Variants in NEK5 observed in about 807,000 individuals in gnomAD.
The protein encoded by NEK5 is serine/threonine-protein kinase Nek5.
NEK5 carries 88 observed loss-of-function variants against 109.2 expected under a neutral mutation model. That is an observed-to-expected ratio of 0.81 (90% CI 0.68 to 0.96). NEK5 has a LOEUF of 0.96. Among genes scored for constraint, NEK5 ranks in the 40% least tolerant of loss-of-function variants. The probability of loss-of-function intolerance (pLI) is 0.00; values close to 1 mark genes in which losing one functional copy is unlikely to be tolerated. For synonymous variants in NEK5, 283 were observed against 299.9 expected (o/e 0.94, Z 0.58); for missense variants, 834 against 920.7 (o/e 0.91, Z 1.22).
At position 52,050,172 on chromosome 13, in the gene NEK5, C is replaced by T. The variant is rs1000315772; in HGVS notation, c.2160G>A (p.Lys720=). 2.0e-6 allele frequency: 2 copies of T among 985,664 alleles called. No individual in the cohort carries two copies. The highest frequency in any genetic ancestry group is 1.7e-5 in the African/African-American group (1 of 57,232). The allele number at this position is 985,664 out of a possible 1,614,324, so 61.1% of individuals were successfully genotyped here. ...QWLPKEEDEG[K]VEMVSGIEVD... The stretch of plus-strand genomic sequence containing the variant: ...CTTCAATGCCAGAGACCATTTCTAC[C>T]TTCCCTTCATCTTCTTCTTTGGGTA... Residue 720 remains lysine (K), a synonymous_variant, in exon 23 of 24, where the codon AAG becomes AAA. Coordinates refer to ENST00000684899, the MANE Select transcript of NEK5 (RefSeq NM_001365552.1).
At chr13:52,088,508 C>G (rs1955204406) in intron 14 of NEK5, among the ~76,000 whole-genome samples, 2 of 151,810 alleles carry the variant, frequency 1.3e-5, no homozygotes. Context: ...CCACCTTGGC[C>G]TCCCAAAGTG....
intron 1 of NEK5, among the ~76,000 whole-genome samples, chr13:52,128,663 G>T (rs1056974395): frequency 7.2e-5 from 11 of 152,110 alleles, no homozygotes; most frequent in Non-Finnish European, 1.3e-4. Context: ...TGAGAGAGAC[G>T]CATACGGACT....
At chr13:52,094,722 C>T (rs1369893048) in intron 12 of NEK5, among the ~76,000 whole-genome samples, 1 of 152,180 alleles carries the variant, frequency 6.6e-6, no homozygotes, top group Non-Finnish European at 1.5e-5. Flanking sequence ...TGCAGTGAGC[C>T]AAGATCGTAC....
intron 13 of NEK5, among the ~76,000 whole-genome samples, chr13:52,091,019 C>G (rs2137927458): frequency 6.6e-6 from 1 of 151,222 alleles, no homozygotes; most frequent in South Asian, 2.1e-4. Flanking sequence ...GAGCGAGACT[C>G]TGTCTCAAAA....
Position 52,095,848 on chromosome 13 carries a change from C to A in NEK5, c.1027-2613G>T, listed in dbSNP as rs116305164. On this transcript the variant is annotated intron_variant, in intron 12 of 23. Coordinates refer to ENST00000684899, the MANE Select transcript of NEK5 (RefSeq NM_001365552.1). ...ATATGCTTTGGATTTGTGTCTCAGC[C>A]TGGGAGGTCGAGTGATATGCTTTGG... Among the ~76,000 whole-genome samples the A allele has an allele frequency of 2.4e-3, 363 of 152,296 alleles. 3 individuals are homozygous for A. Among genetic ancestry groups the A allele is most frequent in the African/African-American group, 8.3e-3 (347 of 41,566 alleles).
At chr13:52,114,913 A>C (rs1369112665) in intron 4 of NEK5, among the ~76,000 whole-genome samples, 1 of 152,156 alleles carries the variant, frequency 6.6e-6, no homozygotes, top group Non-Finnish European at 1.5e-5. Flanking sequence ...GAGGAGACAC[A>C]TTATTTCATC....
intron 8 of NEK5, among the ~76,000 whole-genome samples, chr13:52,106,815 A>G (rs1367661288): frequency 6.6e-6 from 1 of 152,068 alleles, no homozygotes; most frequent in Admixed American, 6.6e-5. Context: ...TATCACATAC[A>G]TAAAAACTAA....
intron 23 of NEK5, among the ~76,000 whole-genome samples, chr13:52,044,160 C>T (rs371540777): frequency 6.6e-6 from 1 of 152,224 alleles, no homozygotes; most frequent in African/African-American, 2.4e-5. Flanking sequence ...TTCCTGCCCT[C>T]GAACATCAGA....
At chr13:52,055,897 C>A (rs538805140) in intron 22 of NEK5, among the ~76,000 whole-genome samples, 1 of 151,358 alleles carries the variant, frequency 6.6e-6, no homozygotes, top group Non-Finnish European at 1.5e-5. Flanking sequence ...AACTAACGAG[C>A]GAAATAACCA....
intron 22 of NEK5, among the ~76,000 whole-genome samples, chr13:52,060,572 CT>C (rs1285466670): frequency 6.6e-6 from 1 of 152,326 alleles, no homozygotes; most frequent in East Asian, 1.9e-4. Context: ...TCTCGAACTC[CT>C]GACCTCAGGT....
rs1294801085 is a variant in NEK5, at chr13:52,110,495, T to C, written c.395A>G (p.Gln132Arg). The C allele has an allele frequency of 1.2e-6, 2 of 1,608,946 alleles. No individual in the cohort carries two copies. The highest frequency in any genetic ancestry group is 2.2e-5 in the East Asian group (1 of 44,832). The change falls in exon 6 of 24, where the codon CAG becomes CGG. Residue 132 changes from glutamine to arginine, a missense_variant and splice_region_variant. Gln to Arg is a conservative substitution (Grantham distance 43). Around this residue, in one of 2 missense-constraint regions of NEK5, gnomAD observed 777 missense variants for 824.7 expected, o/e 0.94. Transcript: ENST00000684899. The stretch of plus-strand genomic sequence containing the variant: ...TTAGTCTTCTCTCTGAGCTGTTACC[T>C]GAGCTTTTATGTCCCTGTGTAATAT... Reference protein sequence around the residue: ...RKILHRDIKAQNIFLSKNGMV... With the variant: ...RKILHRDIKARNIFLSKNGMV...
At chr13:52,079,315 TCTCCCC>T (rs1405300647) in intron 17 of NEK5, among the ~76,000 whole-genome samples, 1 of 137,620 alleles carries the variant, frequency 7.3e-6, no homozygotes, top group Non-Finnish European at 1.5e-5. Context: ...TCCCTCTCCC[TCTCCCC>T]TCTTTCCACG....
At position 52,037,151 on chromosome 13, in the gene NEK5, A is replaced by C; in HGVS notation, c.2296T>G (p.Phe766Val). Residue 766 changes from phenylalanine to valine, a missense_variant, in exon 24 of 24, where the codon TTC becomes GTC. Physicochemically the swap from Phe to Val is conservative, Grantham distance 50. Transcript: ENST00000684899. ...TCTTCTGTTTTTTCTTCCCCTTTGA[A>C]AGTAGCGAGTTTTTCTAAGTATTCT... The part of the protein sequence containing the change: ...VVEYLEKLAT[F>V]KGEEKTEEAS... 1 of 985,234 alleles carries C rather than the reference A, an allele frequency of 1.0e-6. No individual in the cohort carries two copies. Among genetic ancestry groups the C allele is most frequent in the South Asian group, 4.7e-5 (1 of 21,280 alleles). The allele number at this position is 985,234 out of a possible 1,614,324, so 61.0% of individuals were successfully genotyped here. A position where few individuals can be genotyped will look rare whatever the true frequency, so the allele number is the denominator to read the frequency against.
chr13:52,104,388 T>C, intron 9 of NEK5, 110 bp downstream of exon 9: 2 of 806,770 alleles, frequency 2.5e-6, no homozygotes, highest in Non-Finnish European at 4.4e-6. Context: ...CTTATCCATA[T>C]AATTTTTAAC....
chr13:52,065,802 G>C (rs1273680319), intron 20 of NEK5, among the ~76,000 whole-genome samples, 193 bp from the exon 21 acceptor site: 1 of 152,176 alleles, frequency 6.6e-6, no homozygotes, highest in Non-Finnish European at 1.5e-5. Context: ...TTTACTCTTA[G>C]TGTTTGACTG....
chr13:52,126,510 G>A (rs537192513), intron 3 of NEK5, among the ~76,000 whole-genome samples: 93 of 152,314 alleles, frequency 6.1e-4, no homozygotes, highest in Admixed American at 1.5e-3. Context: ...AGAAGCAGTG[G>A]CTCAAGCCTG....
intron 13 of NEK5, among the ~76,000 whole-genome samples, chr13:52,089,959 C>A: frequency 6.8e-6 from 1 of 147,150 alleles, no homozygotes; most frequent in African/African-American, 2.5e-5. Context: ...GAGACTCCAT[C>A]TCAAAAAAAA....
At chr13:52,044,058 G>A (rs1593914584) in intron 23 of NEK5, among the ~76,000 whole-genome samples, 1 of 152,306 alleles carries the variant, frequency 6.6e-6, no homozygotes, top group Middle Eastern at 3.4e-3. Flanking sequence ...CTATTCGGCT[G>A]CCAGCACGGC....
At chr13:52,100,276 T>G (rs954501942) in intron 11 of NEK5, among the ~76,000 whole-genome samples, 1 of 152,086 alleles carries the variant, frequency 6.6e-6, no homozygotes, top group Non-Finnish European at 1.5e-5. Flanking sequence ...CTCTTTTTTT[T>G]TTGTTGAGAC....
Sources: allele counts gnomAD v4.1 joint callset (sites outside exome capture counted in the v4.1 genomes callset), GRCh38; gene constraint gnomAD v4.1.1; regional missense constraint gnomAD v4.1.1; transcripts MANE v1.5; gene names NCBI Gene and HGNC (gene_info 2026-07-23, HGNC 2026-07-21).